The following SLFN5 variants were observed in gnomAD, a reference collection of about 807,000 sequenced individuals.
SLFN5 encodes the protein schlafen family member 5.
A neutral mutation model predicts 48.5 loss-of-function variants in SLFN5; 34 were observed. That is an observed-to-expected ratio of 0.70 (90% CI 0.53 to 0.93). The LOEUF (loss-of-function observed/expected upper bound fraction) is 0.93, where lower values mean the gene tolerates loss of function less well. Among genes scored for constraint, SLFN5 ranks in the 40% least tolerant of loss-of-function variants. SLFN5 has a pLI of 0.00. For synonymous variants in SLFN5, 387 were observed against 396.2 expected (o/e 0.98, Z 0.28); for missense variants, 1,006 against 1,071.3 (o/e 0.94, Z 0.85).
rs1192241819 is a variant in SLFN5, at chr17:35,264,818, A to G, written c.1774A>G (p.Met592Val). 2.0e-5 allele frequency: 32 copies of G among 1,597,298 alleles called. No individual in the cohort carries two copies. The highest frequency in any genetic ancestry group is 4.6e-5 in the South Asian group (4 of 87,660). ...GAAGACTATCTTGGCTCTTAGGATC[A>G]TGGAGAAGATCAGGAATGTGTTTCA... ...SGKTILALRI[M>V]EKIRNVFHCE... is the part of the protein sequence containing the mutation. Residue 592 changes from methionine to valine, a missense_variant, in exon 4 of 5, where the codon ATG becomes GTG. Coordinates refer to ENST00000299977, the MANE Select transcript of SLFN5 (RefSeq NM_144975.4).
intron 1 of SLFN5, among the ~76,000 whole-genome samples, chr17:35,249,569 C>G (rs947990063): frequency 6.6e-6 from 1 of 152,204 alleles, no homozygotes; most frequent in East Asian, 1.9e-4. Flanking sequence ...ACATACCACA[C>G]AGGTGGTAGG....
chr17:35,260,858 C>G, intron 2 of SLFN5, 113 bp from the exon 3 acceptor site: 1 of 1,343,340 alleles, frequency 7.4e-7, no homozygotes, highest in Non-Finnish European at 9.9e-7. Flanking sequence ...AGGCAAGTAT[C>G]TGTGGGCCGT....
intron 1 of SLFN5, among the ~76,000 whole-genome samples, chr17:35,256,635 T>G (rs1449978061): frequency 6.6e-6 from 1 of 152,232 alleles, no homozygotes; most frequent in Non-Finnish European, 1.5e-5. Flanking sequence ...ACTGGGAGTT[T>G]GAACTCAGGG....
intron 1 of SLFN5, among the ~76,000 whole-genome samples, chr17:35,250,119 A>C (rs1246628262): frequency 6.6e-6 from 1 of 152,338 alleles, no homozygotes; most frequent in East Asian, 1.9e-4. Context: ...AAGACTTCAG[A>C]ACCATCAACA....
intron 1 of SLFN5, among the ~76,000 whole-genome samples, chr17:35,255,098 A>T (rs2092451313): frequency 6.6e-6 from 1 of 152,170 alleles, no homozygotes; most frequent in Non-Finnish European, 1.5e-5. Context: ...ATGAGGGGTG[A>T]AGGAGGTACA....
At position 35,265,282 on chromosome 17, in the gene SLFN5, C is replaced by T. The variant is rs1247466109; in HGVS notation, c.2070C>T (p.His690=). ...WIFLDYFQTY[H]LSCSGLPPPS... is the part of the protein sequence containing the mutation. ...TTCTGGACTACTTTCAGACCTATCA[C>T]TTGAGTTGCAGTGGCCTCCCCCCTC... Residue 690 remains histidine, a synonymous_variant, in exon 5 of 5, where the codon CAC becomes CAT. Coordinates refer to ENST00000299977, the MANE Select transcript of SLFN5 (RefSeq NM_144975.4). 4 of 1,613,210 alleles carry T rather than the reference C, an allele frequency of 2.5e-6. No homozygotes were observed. Among genetic ancestry groups the T allele is most frequent in the Non-Finnish European group, 3.4e-6 (4 of 1,179,892 alleles).
chr17:35,261,090 T>G lies in SLFN5; in HGVS notation c.1132T>G (p.Phe378Val). 6.2e-7 allele frequency: 1 copy of G among 1,613,168 alleles called. No homozygotes were observed. The highest frequency in any genetic ancestry group is 8.5e-7 in the Non-Finnish European group (1 of 1,179,324). ...ECLKEQQKRYFPVFSDRVVYT... is the reference protein window; with the variant it reads ...ECLKEQQKRYVPVFSDRVVYT... Reference sequence around the variant, plus strand: ...TCTGAAAGAGCAGCAGAAACGCTACTTTCCAGGTAATTGGCCATCTCTGGT... The same window carrying G: ...TCTGAAAGAGCAGCAGAAACGCTACGTTCCAGGTAATTGGCCATCTCTGGT... The change falls in exon 3 of 5, where the codon TTT becomes GTT. Residue 378 changes from phenylalanine to valine, a missense_variant. By Grantham distance (50) the Phe-to-Val change is conservative. Transcript: ENST00000299977.
intron 1 of SLFN5, among the ~76,000 whole-genome samples, chr17:35,253,643 G>A (rs2092447854): frequency 6.6e-6 from 1 of 151,260 alleles, no homozygotes; most frequent in Non-Finnish European, 1.5e-5. Flanking sequence ...CCAAAATGGG[G>A]GAATTACAGG....
chr17:35,266,007 C>A lies in SLFN5; in HGVS notation c.*119C>A. Reference sequence around the variant, plus strand: ...ATTAAGTCACATACTTTTCTAGGTGCTGGGGATTGAGAACGAATCGATGTA... The same window carrying A: ...ATTAAGTCACATACTTTTCTAGGTGATGGGGATTGAGAACGAATCGATGTA... On this transcript the variant is annotated 3_prime_UTR_variant, in exon 5 of 5. Coordinates refer to ENST00000299977, the MANE Select transcript of SLFN5 (RefSeq NM_144975.4). 9.1e-7 allele frequency: 1 copy of A among 1,098,362 alleles called. No homozygotes were observed. The allele number at this position is 1,098,362 out of a possible 1,614,324, so 68.0% of individuals were successfully genotyped here.
In SLFN5 at chr17:35,259,092, G is replaced by C; in HGVS notation, c.402G>C (p.Leu134=). The change falls in exon 2 of 5, where the codon CTG becomes CTC. Residue 134 remains leucine (L), a synonymous_variant. Transcript: ENST00000299977. The part of the protein sequence containing the change: ...STDVMDSQEA[L]AFLKCRTQTP... ...ATGTCATGGATTCTCAGGAAGCTCT[G>C]GCATTCCTCAAATGCAGGACTCAGA... 6.2e-7 allele frequency: 1 copy of C among 1,614,050 alleles called. No individual in the cohort carries two copies. The highest frequency in any genetic ancestry group is 8.5e-7 in the Non-Finnish European group (1 of 1,180,008).
At chr17:35,249,356 A>C (rs1253103883) in intron 1 of SLFN5, among the ~76,000 whole-genome samples, 3 of 152,232 alleles carry the variant, frequency 2.0e-5, no homozygotes, top group African/African-American at 7.2e-5. Flanking sequence ...AAACAGAACC[A>C]AGACAAATAA....
intron 1 of SLFN5, among the ~76,000 whole-genome samples, chr17:35,251,285 G>A (rs1449818553): frequency 2.0e-5 from 3 of 152,206 alleles, no homozygotes; most frequent in Non-Finnish European, 4.4e-5. Context: ...TTGGTTTAGG[G>A]CATTAGCTGT....
intron 1 of SLFN5, among the ~76,000 whole-genome samples, chr17:35,247,364 T>A: frequency 6.6e-6 from 1 of 152,202 alleles, no homozygotes; most frequent in East Asian, 1.9e-4. Context: ...TATAGTGAGC[T>A]CTGAATAAAC....
At chr17:35,257,695 T>A (rs918021352) in intron 1 of SLFN5, among the ~76,000 whole-genome samples, 2 of 151,884 alleles carry the variant, frequency 1.3e-5, no homozygotes, top group African/African-American at 4.8e-5. Context: ...GAAACACAGC[T>A]AGGATGTATA....
chr17:35,265,201 G>T lies in SLFN5; in HGVS notation c.1989G>T (p.Gly663=), dbSNP rs1221058937. 6.2e-7 allele frequency: 1 copy of T among 1,614,094 alleles called. No homozygotes were observed. Among genetic ancestry groups the T allele is most frequent in the Non-Finnish European group, 8.5e-7 (1 of 1,180,046 alleles). ...GTACTGAAGATGGGGACTGGTATGGGAAAGCAAAGTTCATCACTCAGACAG... is the reference window on the plus strand; with the variant it reads ...GTACTGAAGATGGGGACTGGTATGGTAAAGCAAAGTTCATCACTCAGACAG... ...NFRTEDGDWY[G]KAKFITQTAR... Residue 663 remains glycine, a synonymous_variant, in exon 5 of 5, where the codon GGG becomes GGT. Transcript: ENST00000299977.
intron 1 of SLFN5, among the ~76,000 whole-genome samples, chr17:35,253,838 C>T (rs1426729393): frequency 2.6e-5 from 4 of 151,940 alleles, no homozygotes; most frequent in Non-Finnish European, 2.9e-5. Flanking sequence ...GCTGAGACTA[C>T]AGCCGCATGC....
intron 1 of SLFN5, among the ~76,000 whole-genome samples, chr17:35,257,428 G>T (rs1197403763): frequency 2.0e-5 from 3 of 152,192 alleles, no homozygotes; most frequent in Non-Finnish European, 4.4e-5. Flanking sequence ...CAGCCGGACA[G>T]GTGGCTTTTC....
rs548957901 is a variant in SLFN5, at chr17:35,259,800, G to A, written c.1012+98G>A. The A allele has an allele frequency of 3.5e-5, 49 of 1,389,578 alleles. No individual in the cohort carries two copies. The African/African-American group carries it at 5.9e-4, about 17-fold the overall frequency. The allele number at this position is 1,389,578 out of a possible 1,614,324, so 86.1% of individuals were successfully genotyped here. A position where few individuals can be genotyped will look rare whatever the true frequency, so the allele number is the denominator to read the frequency against. ...GGATATGGTATTCCTTGGAATCTGGGGAAAGAGATTTACTCTCTGATTTGC... is the reference window on the plus strand; with the variant it reads ...GGATATGGTATTCCTTGGAATCTGGAGAAAGAGATTTACTCTCTGATTTGC... On this transcript the variant is annotated intron_variant, in intron 2 of 4. Coordinates refer to ENST00000299977, the MANE Select transcript of SLFN5 (RefSeq NM_144975.4).
rs2142711140 is a variant in SLFN5 at position 35,270,392 on chromosome 17, G to A, written c.*4504G>A. On this transcript the variant is annotated 3_prime_UTR_variant, in exon 5 of 5. Transcript: ENST00000299977. Reference sequence around the variant, plus strand: ...ATTTCAAAACATTGCCATATGCATAGCCATCCTCACAACCAAGAAAAGCGC... The same window carrying A: ...ATTTCAAAACATTGCCATATGCATAACCATCCTCACAACCAAGAAAAGCGC... 1 of 152,276 alleles carries A rather than the reference G, an allele frequency of 6.6e-6. No individual in the cohort carries two copies. The highest frequency in any genetic ancestry group is 2.1e-4 in the South Asian group (1 of 4,812). The allele number at this position is 152,276 out of a possible 1,614,324, so 9.4% of individuals were successfully genotyped here.
Sources: allele counts gnomAD v4.1 joint callset (sites outside exome capture counted in the v4.1 genomes callset), GRCh38; gene constraint gnomAD v4.1.1; transcripts MANE v1.5; gene names NCBI Gene and HGNC (gene_info 2026-07-23, HGNC 2026-07-21).